NWD2: variants seen among roughly 807,000 people sequenced by gnomAD.
The protein encoded by NWD2 is NACHT and WD repeat domain-containing protein 2.
NWD2 carries 37 observed loss-of-function variants against 132.7 expected under a neutral mutation model. The observed-to-expected ratio is 0.28, with a 90% CI of 0.21 to 0.37. The LOEUF is 0.37. Among genes scored for constraint, NWD2 ranks in the 10% least tolerant of loss-of-function variants. The probability of loss-of-function intolerance (pLI) is 1.00; values close to 1 mark genes in which losing one functional copy is unlikely to be tolerated. For missense variants in NWD2, 1,592 were observed against 2,122.4 expected, an observed-to-expected ratio of 0.75 and a Z score of 4.91; for synonymous variants, 705 against 803.0, an observed-to-expected ratio of 0.88 and a Z score of 2.06.
At chr4:37,280,517 C>T (rs1024829071) in intron 1 of NWD2, among the ~76,000 whole-genome samples, 1 of 152,064 alleles carries the variant, frequency 6.6e-6, no homozygotes, top group African/African-American at 2.4e-5. Context: ...GGAGAACGTG[C>T]AGACTCCTGC....
chr4:37,296,181 G>A (rs1419929894), intron 1 of NWD2, among the ~76,000 whole-genome samples: 4 of 152,166 alleles, frequency 2.6e-5, no homozygotes, highest in African/African-American at 4.8e-5. Context: ...TGGCCCCCAA[G>A]CTTAGTGCTG....
chr4:37,296,639 A>G (rs1594985), intron 1 of NWD2, among the ~76,000 whole-genome samples: 36,721 of 152,022 alleles, frequency 0.24, 5,501 homozygotes, highest in Middle Eastern at 0.41. Context: ...GAACTAAGCT[A>G]TGAGTACATA....
intron 4 of NWD2, among the ~76,000 whole-genome samples, chr4:37,433,359 C>G (rs1712230245): frequency 6.6e-6 from 1 of 152,106 alleles, no homozygotes; most frequent in Admixed American, 6.6e-5. Flanking sequence ...ATTCCTAAAA[C>G]CCCACATGAT....
intron 5 of NWD2, among the ~76,000 whole-genome samples, chr4:37,435,751 G>A (rs1031335450): frequency 2.0e-5 from 3 of 152,064 alleles, no homozygotes; most frequent in Non-Finnish European, 2.9e-5. Flanking sequence ...AGATAGCCAT[G>A]TGAAGATGAG....
At chr4:37,303,353 G>A (rs1718644154) in intron 1 of NWD2, among the ~76,000 whole-genome samples, 1 of 152,294 alleles carries the variant, frequency 6.6e-6, no homozygotes, top group Non-Finnish European at 1.5e-5. Context: ...GGTTACGACA[G>A]CTTCGTGGTA....
At chr4:37,341,589 G>A (rs147340648) in intron 2 of NWD2, among the ~76,000 whole-genome samples, 28 of 152,250 alleles carry the variant, frequency 1.8e-4, no homozygotes, top group Non-Finnish European at 1.2e-4. Context: ...CATAAATCAG[G>A]TCATGGATTC....
chr4:37,361,429 A>T (rs973916028), intron 3 of NWD2, among the ~76,000 whole-genome samples: 1 of 152,164 alleles, frequency 6.6e-6, no homozygotes, highest in Non-Finnish European at 1.5e-5. Flanking sequence ...AGATGCAAAA[A>T]AACCTCAACA....
Position 37,350,670 on chromosome 4 carries a change from T to G in NWD2, c.241-5696T>G, listed in dbSNP as rs150959701. 4.7e-3 allele frequency among the ~76,000 whole-genome samples: 710 copies of G among 152,302 alleles called. 6 individuals are homozygous for G. The highest frequency in any genetic ancestry group is 0.017 in the African/African-American group (688 of 41,566). On this transcript the variant is annotated intron_variant, in intron 2 of 6. Transcript: ENST00000309447. ...CTCCTCTCTTCTTATCTGAATACCC[T>G]TTATTGCCTTCTTTTGCCTGATTGC...
intron 3 of NWD2, among the ~76,000 whole-genome samples, chr4:37,386,630 G>A (rs927326755): frequency 2.0e-5 from 3 of 152,142 alleles, no homozygotes; most frequent in Non-Finnish European, 2.9e-5. Context: ...TATGTCCAGA[G>A]CAGAATTTTT....
chr4:37,275,281 C>T (rs1364856878), intron 1 of NWD2, among the ~76,000 whole-genome samples: 1 of 152,026 alleles, frequency 6.6e-6, no homozygotes, highest in African/African-American at 2.4e-5. Flanking sequence ...TCTTATACAC[C>T]AATAACAGAC....
At chr4:37,384,081 G>A (rs1356785121) in intron 3 of NWD2, among the ~76,000 whole-genome samples, 1 of 152,100 alleles carries the variant, frequency 6.6e-6, no homozygotes, top group African/African-American at 2.4e-5. Context: ...AGCCTCACAT[G>A]CATTAGCTGT....
Position 37,444,980 on chromosome 4 carries a change from A to G in NWD2, c.2992A>G (p.Thr998Ala). 6.4e-7 allele frequency: 1 copy of G among 1,551,916 alleles called. No individual in the cohort carries two copies. Among genetic ancestry groups the G allele is most frequent in the Non-Finnish European group, 8.7e-7 (1 of 1,147,050 alleles). The change falls in exon 7 of 7, where the codon ACT becomes GCT. Residue 998 changes from threonine to alanine, a missense_variant. Transcript: ENST00000309447. This position sits in a 1 kb window ranked among gnomAD's most constrained non-coding sequence, Gnocchi z 4.8. ...NGSISTWDVE[T>A]RQLLRQITTA... ...TTCCATCAGCACCTGGGATGTAGAG[A>G]CTCGACAGCTACTCAGGCAAATCAC...
chr4:37,266,613 A>G (rs1031030847), intron 1 of NWD2, among the ~76,000 whole-genome samples: 5 of 152,082 alleles, frequency 3.3e-5, no homozygotes, highest in African/African-American at 7.2e-5. Context: ...AGAGATAGGA[A>G]ATGTGGAAAA....
rs575801047 is a variant in NWD2 at position 37,363,542 on chromosome 4, A to G, written c.357+7060A>G. Among the ~76,000 whole-genome samples the G allele has an allele frequency of 4.6e-5, 7 of 152,294 alleles. No individual in the cohort carries two copies. The South Asian group carries it at 1.5e-3, about 32-fold the overall frequency. ...AAGTGGATTAACTCAGGAACAGAAAACCAAATACCACATGTTCTCACTTAC... is the reference window on the plus strand; with the variant it reads ...AAGTGGATTAACTCAGGAACAGAAAGCCAAATACCACATGTTCTCACTTAC... On this transcript the variant is annotated intron_variant, in intron 3 of 6. Coordinates refer to ENST00000309447, the MANE Select transcript of NWD2 (RefSeq NM_001144990.2).
At chr4:37,367,428 A>G (rs1015914033) in intron 3 of NWD2, among the ~76,000 whole-genome samples, 4 of 152,152 alleles carry the variant, frequency 2.6e-5, no homozygotes, top group Non-Finnish European at 4.4e-5. Context: ...GAATTTGAAA[A>G]TTAATGATTT....
At chr4:37,247,767 G>A (rs528459398) in intron 1 of NWD2, among the ~76,000 whole-genome samples, 4 of 151,862 alleles carry the variant, frequency 2.6e-5, no homozygotes, top group South Asian at 2.1e-4. Context: ...CCACCACTAC[G>A]CCCGGCTAAC....
At chr4:37,403,175 C>T (rs908350485) in intron 3 of NWD2, among the ~76,000 whole-genome samples, 5 of 152,154 alleles carry the variant, frequency 3.3e-5, no homozygotes, top group African/African-American at 1.2e-4. Context: ...ATGTACCAGG[C>T]ACTGTTCTAG....
intron 1 of NWD2, among the ~76,000 whole-genome samples, chr4:37,303,320 T>C (rs184061025): frequency 1.3e-5 from 2 of 152,340 alleles, no homozygotes; most frequent in Admixed American, 1.3e-4. Context: ...CTCTCTGTTT[T>C]TATACCAGTA....
chr4:37,412,926 A>G (rs532472429), intron 3 of NWD2, among the ~76,000 whole-genome samples: 74 of 152,364 alleles, frequency 4.9e-4, no homozygotes, highest in African/African-American at 1.6e-3. Context: ...CTGGCTAGCC[A>G]TATGCAGAAA....
Sources: gnomAD v4.1 joint callset for allele counts (sites outside exome capture counted in the v4.1 genomes callset) on GRCh38, gnomAD v4.1.1 for gene constraint, Gnocchi (gnomAD v3.1) non-coding constraint, MANE v1.5 for transcripts, NCBI Gene and HGNC (gene_info 2026-07-23, HGNC 2026-07-21) for gene names.